Variants in CACNA1A observed in about 807,000 individuals in gnomAD.
CACNA1A encodes the protein calcium voltage-gated channel subunit alpha1 A, also known as voltage-dependent P/Q-type calcium channel subunit alpha-1A.
Under a neutral mutation model 262.4 loss-of-function variants are expected in CACNA1A, and 57 were observed. The ratio of observed to expected loss-of-function variants is 0.22; its 90% CI spans 0.18 to 0.27. The LOEUF is 0.27. Among genes scored for constraint, CACNA1A ranks in the 10% least tolerant of loss-of-function variants. The pLI, the probability that CACNA1A is intolerant of heterozygous loss-of-function variation, is 1.00. For synonymous variants in CACNA1A, 1,431 were observed against 1,419.3 expected, an observed-to-expected ratio of 1.01 and a Z score of -0.18; for missense variants, 2,526 against 3,562.8, an observed-to-expected ratio of 0.71 and a Z score of 7.41.
At chr19:13,266,525 C>T (rs527488394) in intron 24 of CACNA1A, among the ~76,000 whole-genome samples, 14 of 152,220 alleles carry the variant, frequency 9.2e-5, no homozygotes, top group African/African-American at 2.4e-4. Flanking sequence ...TCTGCATCTC[C>T]TCATCTGAAA....
chr19:13,384,724 G>C (rs960064128), intron 3 of CACNA1A, among the ~76,000 whole-genome samples: 1 of 152,052 alleles, frequency 6.6e-6, no homozygotes, highest in Non-Finnish European at 1.5e-5. Context: ...AAAAACAATA[G>C]CAACAACAAA....
intron 10 of CACNA1A, among the ~76,000 whole-genome samples, chr19:13,322,202 G>GAAAA (rs368879293): frequency 2.2e-5 from 2 of 90,064 alleles, no homozygotes; most frequent in Non-Finnish European, 2.4e-5. Flanking sequence ...ACTTGTCTCA[G>GAAAA]AAAAAAAAAA....
At chr19:13,357,728 G>A (rs1227289662) in intron 6 of CACNA1A, among the ~76,000 whole-genome samples, 7 of 152,208 alleles carry the variant, frequency 4.6e-5, no homozygotes, top group African/African-American at 1.7e-4. Context: ...TTTAGGCTGG[G>A]TGCAGTGGCT....
intron 34 of CACNA1A, among the ~76,000 whole-genome samples, chr19:13,232,686 G>A (rs1449414335): frequency 3.3e-5 from 5 of 150,072 alleles, no homozygotes; most frequent in African/African-American, 7.4e-5. Flanking sequence ...AGCTGAGATC[G>A]CGCCACTGCA....
At chr19:13,254,536 A>G (rs1568464986) in intron 29 of CACNA1A, among the ~76,000 whole-genome samples, 1 of 151,638 alleles carries the variant, frequency 6.6e-6, no homozygotes. Context: ...CTAATTTTGT[A>G]TTTTTAGTAG....
At chr19:13,285,741 C>G (rs1431319063) in intron 20 of CACNA1A, among the ~76,000 whole-genome samples, 2 of 152,090 alleles carry the variant, frequency 1.3e-5, no homozygotes, top group Non-Finnish European at 2.9e-5. Flanking sequence ...CTGGAGCTTC[C>G]ATTCTGCAGC....
At chr19:13,467,400 G>A (rs1599322065) in intron 1 of CACNA1A, among the ~76,000 whole-genome samples, 1 of 151,916 alleles carries the variant, frequency 6.6e-6, no homozygotes, top group African/African-American at 2.4e-5. Flanking sequence ...AGGATCACTC[G>A]AGCCCAGAAG....
intron 1 of CACNA1A, among the ~76,000 whole-genome samples, chr19:13,464,208 C>A (rs997790232): frequency 6.6e-5 from 10 of 152,092 alleles, no homozygotes; most frequent in African/African-American, 2.4e-4. Flanking sequence ...GGCGACACAG[C>A]AAGATCCTGT....
intron 1 of CACNA1A, among the ~76,000 whole-genome samples, chr19:13,487,528 C>T (rs936563618): frequency 2.0e-5 from 3 of 151,924 alleles, no homozygotes; most frequent in African/African-American, 7.3e-5. Context: ...TCAGTGAGTA[C>T]GGGGTCTCCT....
intron 38 of CACNA1A, among the ~76,000 whole-genome samples, chr19:13,216,683 C>G (rs1450926515): frequency 6.9e-6 from 1 of 144,836 alleles, no homozygotes; most frequent in African/African-American, 2.6e-5. Context: ...ATCTATCTAT[C>G]TATCTATCTA....
intron 11 of CACNA1A, chr19:13,315,166 T>C (rs2058102045): frequency 1.3e-5 from 2 of 152,030 alleles, no homozygotes; most frequent in South Asian, 4.2e-4. Context: ...TTTTTGTTTA[T>C]ATTTTGACAT....
chr19:13,375,434 C>T lies in CACNA1A; in HGVS notation c.540-3655G>A, dbSNP rs371804358. ...TGCTCAAGTGAAAAGAAGAGTTGCA[C>T]GTCTCTCACTTTAAATTAAAAGCTA... On this transcript the variant is annotated intron_variant, in intron 3 of 46. Coordinates refer to ENST00000360228, the MANE Select transcript of CACNA1A (RefSeq NM_001127222.2). Among the ~76,000 whole-genome samples, 12 of 152,118 alleles carry T rather than the reference C, an allele frequency of 7.9e-5. No homozygotes were observed. In the East Asian group the frequency reaches 1.2e-3, roughly 15 times the overall value.
intron 1 of CACNA1A, among the ~76,000 whole-genome samples, chr19:13,460,590 G>C (rs2061103247): frequency 6.6e-6 from 1 of 152,070 alleles, no homozygotes. Context: ...CAAAAACAAA[G>C]TCCTTCCAGC....
At chr19:13,346,091 A>T (rs1386881599) in intron 6 of CACNA1A, among the ~76,000 whole-genome samples, 1 of 151,896 alleles carries the variant, frequency 6.6e-6, no homozygotes, top group African/African-American at 2.4e-5. Context: ...TTTAGTAGAG[A>T]CGGGGTTTCG....
At chr19:13,254,495 T>C (rs1338654650) in intron 29 of CACNA1A, among the ~76,000 whole-genome samples, 3 of 152,014 alleles carry the variant, frequency 2.0e-5, no homozygotes, top group Non-Finnish European at 4.4e-5. Flanking sequence ...CCCGAGTAGC[T>C]GGGATTACAG....
At chr19:13,472,835 A>T (rs532609542) in intron 1 of CACNA1A, among the ~76,000 whole-genome samples, 1 of 152,292 alleles carries the variant, frequency 6.6e-6, no homozygotes, top group East Asian at 1.9e-4. Flanking sequence ...TAGCCTCTGG[A>T]GCCTCTGGCC....
intron 31 of CACNA1A, among the ~76,000 whole-genome samples, chr19:13,239,792 T>G (rs1444689180): frequency 6.6e-6 from 1 of 151,744 alleles, no homozygotes; most frequent in African/African-American, 2.4e-5. Flanking sequence ...GGCCAGTGTG[T>G]GTGTGTGTGC....
At chr19:13,251,992 C>G (rs2056410894) in intron 30 of CACNA1A, among the ~76,000 whole-genome samples, 2 of 152,140 alleles carry the variant, frequency 1.3e-5, no homozygotes, top group African/African-American at 4.8e-5. Flanking sequence ...TCTCGAACTC[C>G]TAGGCTCAAG....
At chr19:13,334,993 C>T (rs1418159448) in intron 7 of CACNA1A, among the ~76,000 whole-genome samples, 2 of 151,572 alleles carry the variant, frequency 1.3e-5, no homozygotes, top group African/African-American at 2.4e-5. Flanking sequence ...ATGATCGCCC[C>T]CTACACTCCA....
Sources: gnomAD v4.1 joint callset for allele counts (sites outside exome capture counted in the v4.1 genomes callset) on GRCh38, gnomAD v4.1.1 for gene constraint, MANE v1.5 for transcripts, NCBI Gene and HGNC (gene_info 2026-07-23, HGNC 2026-07-21) for gene names.